Variants in SYN3 observed in about 807,000 individuals in gnomAD.
SYN3 encodes the protein synapsin-3.
Under a neutral mutation model 65.8 loss-of-function variants are expected in SYN3, and 35 were observed. The observed-to-expected ratio is 0.53, with a 90% CI of 0.41 to 0.70. The LOEUF is 0.70. Among genes scored for constraint, SYN3 ranks in the 30% least tolerant of loss-of-function variants. The pLI is 0.00. For missense variants in SYN3, 680 were observed against 749.0 expected (o/e 0.91, Z 1.08); for synonymous variants, 270 against 292.9 (o/e 0.92, Z 0.80).
At chr22:32,804,912 G>A (rs2145947219) in intron 6 of SYN3, among the ~76,000 whole-genome samples, 1 of 152,326 alleles carries the variant, frequency 6.6e-6, no homozygotes, top group East Asian at 1.9e-4. Context: ...AGGAATGGGA[G>A]GGGGCTGGAG....
intron 3 of SYN3, among the ~76,000 whole-genome samples, chr22:32,979,584 G>A (rs2052312006): frequency 6.6e-6 from 1 of 152,186 alleles, no homozygotes; most frequent in South Asian, 2.1e-4. Context: ...TTTACAGCAA[G>A]GACCTTGTCT....
rs541631425 is a variant in SYN3, at chr22:32,868,498, C to T, written c.621+468G>A. Among the ~76,000 whole-genome samples, 11 of 151,710 alleles carry T rather than the reference C, an allele frequency of 7.3e-5. No individual in the cohort carries two copies. In the South Asian group the frequency reaches 8.3e-4, roughly 11 times the overall value. On this transcript the variant is annotated intron_variant, in intron 5 of 13. Transcript: ENST00000358763. ...TGTTGTTGCCCAGGCTGGAGTGCAA[C>T]GGCACGATCTCGGCTCACCACAACC...
At chr22:32,930,320 T>C (rs1051402234) in intron 4 of SYN3, among the ~76,000 whole-genome samples, 1 of 152,178 alleles carries the variant, frequency 6.6e-6, no homozygotes, top group Admixed American at 6.5e-5. Context: ...GGAGTTTCCC[T>C]GCACAGGCTC....
intron 6 of SYN3, among the ~76,000 whole-genome samples, chr22:32,746,080 C>G (rs1288060719): frequency 6.6e-6 from 1 of 152,174 alleles, no homozygotes; most frequent in Non-Finnish European, 1.5e-5. Flanking sequence ...GAATTGTTGT[C>G]CAAACTCAGT....
At chr22:32,575,626 C>T (rs554277164) in intron 7 of SYN3, among the ~76,000 whole-genome samples, 3 of 152,284 alleles carry the variant, frequency 2.0e-5, no homozygotes, top group South Asian at 2.1e-4. Context: ...AAGAGAGCAA[C>T]GGTCTTGCTC....
chr22:32,552,600 T>C (rs1388553449), intron 7 of SYN3, among the ~76,000 whole-genome samples: 1 of 152,104 alleles, frequency 6.6e-6, no homozygotes, highest in Non-Finnish European at 1.5e-5. Context: ...ACAGTGGTTA[T>C]GTCTGGATAT....
At chr22:32,672,188 A>G (rs2147070559) in intron 6 of SYN3, among the ~76,000 whole-genome samples, 1 of 152,296 alleles carries the variant, frequency 6.6e-6, no homozygotes, top group African/African-American at 2.4e-5. Context: ...ATCCCCAGGG[A>G]GCTGCATTTA....
rs540332559 is a variant in SYN3, at chr22:32,829,101, G to A, written c.711+35814C>T. 4.6e-5 allele frequency among the ~76,000 whole-genome samples: 7 copies of A among 152,250 alleles called. No homozygotes were observed. The South Asian group carries it at 8.3e-4, about 18-fold the overall frequency. The stretch of plus-strand genomic sequence containing the variant: ...ACCATTTCTACCCTCAGAGGGTACC[G>A]CTGAAGAAGACGGGCAGAGATGAAA... On this transcript the variant is annotated intron_variant, in intron 6 of 13. Coordinates refer to ENST00000358763, the MANE Select transcript of SYN3 (RefSeq NM_003490.4).
intron 3 of SYN3, among the ~76,000 whole-genome samples, chr22:32,950,628 C>T (rs1465837084): frequency 6.6e-6 from 1 of 152,058 alleles, no homozygotes; most frequent in African/African-American, 2.4e-5. Flanking sequence ...CATTGTGAGG[C>T]CTTGTGACTT....
intron 4 of SYN3, among the ~76,000 whole-genome samples, chr22:32,911,401 G>C (rs565614531): frequency 2.0e-5 from 3 of 152,156 alleles, no homozygotes; most frequent in Admixed American, 6.5e-5. Context: ...ATGCCTTTGC[G>C]TGGTGCACAA....
At chr22:32,845,957 C>T (rs904335425) in intron 6 of SYN3, among the ~76,000 whole-genome samples, 4 of 152,198 alleles carry the variant, frequency 2.6e-5, no homozygotes, top group East Asian at 1.9e-4. Flanking sequence ...GGAGCAAATA[C>T]GGACAGATTA....
intron 6 of SYN3, among the ~76,000 whole-genome samples, chr22:32,763,937 C>G (rs934265853): frequency 1.3e-5 from 2 of 148,148 alleles, no homozygotes; most frequent in East Asian, 4.1e-4. Context: ...GTAGAAGCCC[C>G]CCCCCCCTTT....
intron 7 of SYN3, among the ~76,000 whole-genome samples, chr22:32,563,298 G>A (rs2058613429): frequency 6.6e-6 from 1 of 152,180 alleles, no homozygotes; most frequent in South Asian, 2.1e-4. Context: ...GCCTGTAAGG[G>A]CAATGAGACA....
chr22:32,725,074 G>A (rs1470578052), intron 6 of SYN3, among the ~76,000 whole-genome samples: 2 of 152,150 alleles, frequency 1.3e-5, no homozygotes, highest in African/African-American at 2.4e-5. Flanking sequence ...CCGAGATCGC[G>A]CCATTGCACT....
chr22:32,739,326 A>C (rs1159428229), intron 6 of SYN3, among the ~76,000 whole-genome samples: 1 of 150,582 alleles, frequency 6.6e-6, no homozygotes, highest in African/African-American at 2.4e-5. Context: ...TTCCGCCATG[A>C]TTGTGAGGCC....
intron 6 of SYN3, among the ~76,000 whole-genome samples, chr22:32,777,112 C>T (rs909319673): frequency 2.0e-5 from 3 of 152,186 alleles, no homozygotes; most frequent in African/African-American, 4.8e-5. Flanking sequence ...ACCAGTTCCT[C>T]CCAGAATCAC....
At chr22:32,636,982 G>C (rs1173384207) in intron 6 of SYN3, among the ~76,000 whole-genome samples, 1 of 152,172 alleles carries the variant, frequency 6.6e-6, no homozygotes, top group East Asian at 1.9e-4. Flanking sequence ...ACTCCACCCT[G>C]TCCCGCCTCC....
chr22:32,774,531 C>A (rs1054451980), intron 6 of SYN3, among the ~76,000 whole-genome samples: 24 of 152,160 alleles, frequency 1.6e-4, no homozygotes, highest in African/African-American at 5.5e-4. Flanking sequence ...TGTTGGAACA[C>A]CACAGGCAAG....
chr22:32,805,026 CGT>C (rs34429869), intron 6 of SYN3, among the ~76,000 whole-genome samples: 127,650 of 151,784 alleles, frequency 0.84, 54,209 homozygotes, highest in African/African-American at 0.96. Context: ...TGCGTGTGTG[CGT>C]GTGTGTGTGT....
Sources: gnomAD v4.1 joint callset for allele counts (sites outside exome capture counted in the v4.1 genomes callset) on GRCh38, gnomAD v4.1.1 for gene constraint, MANE v1.5 for transcripts, NCBI Gene and HGNC (gene_info 2026-07-23, HGNC 2026-07-21) for gene names.